Variants in UBE3B observed in about 807,000 individuals in gnomAD.
The protein encoded by UBE3B is ubiquitin protein ligase E3B.
In UBE3B, 80 loss-of-function variants were observed where a neutral mutation model predicts 132.3. That is an observed-to-expected ratio of 0.60 (90% CI 0.50 to 0.73). The LOEUF (loss-of-function observed/expected upper bound fraction) is 0.73, where lower values mean the gene tolerates loss of function less well. Ranked by LOEUF, UBE3B falls within the 30% of genes least tolerant of loss-of-function variation. UBE3B has a pLI of 0.00. For synonymous variants in UBE3B, 487 were observed against 520.4 expected (o/e 0.94, Z 0.87); for missense variants, 1,196 against 1,362.5 (o/e 0.88, Z 1.92).
intron 22 of UBE3B, 97 bp downstream of exon 22, chr12:109,524,212 G>C (rs1234861970): frequency 1.3e-6 from 2 of 1,538,038 alleles, no homozygotes; most frequent in Non-Finnish European, 1.8e-6. Flanking sequence ...TCTTATTGCT[G>C]TTGCTGTAGC....
chr12:109,516,366 G>A (rs1469745078), intron 18 of UBE3B, among the ~76,000 whole-genome samples: 1 of 151,768 alleles, frequency 6.6e-6, no homozygotes, highest in African/African-American at 2.4e-5. Flanking sequence ...TAGTAGAGAC[G>A]AGGTTTCACC....
At chr12:109,514,411 A>G (rs1046780018) in intron 18 of UBE3B, among the ~76,000 whole-genome samples, 4 of 152,190 alleles carry the variant, frequency 2.6e-5, no homozygotes, top group Non-Finnish European at 5.9e-5. Context: ...CAGCCTGGAT[A>G]AGCTTGCCTC....
chr12:109,532,555 A>AT (rs368647016), intron 26 of UBE3B, among the ~76,000 whole-genome samples: 21 of 152,316 alleles, frequency 1.4e-4, no homozygotes, highest in African/African-American at 5.1e-4. Context: ...AAGGGAGAAC[A>AT]TTCTTGGCTA....
downstream of UBE3B, among the ~76,000 whole-genome samples, chr12:109,538,445 C>G (rs1446322579): frequency 6.6e-6 from 1 of 152,156 alleles, no homozygotes; most frequent in Non-Finnish European, 1.5e-5. The surrounding 1 kb of genome is among the most constrained non-coding windows in gnomAD (Gnocchi z 4.1). Context: ...ACTTCCTGCC[C>G]CACGTGGAGG....
At chr12:109,500,143 T>G (rs1337620341) in intron 12 of UBE3B, among the ~76,000 whole-genome samples, 1 of 152,226 alleles carries the variant, frequency 6.6e-6, no homozygotes, top group East Asian at 1.9e-4. Flanking sequence ...ACTGTCACTT[T>G]TTGACTAGAC....
rs746633699 is a variant in UBE3B, at chr12:109,483,601, G to C, written c.50G>C (p.Arg17Pro). Residue 17 changes from arginine to proline, a missense_variant, in exon 3 of 28, where the codon CGT becomes CCT. Physicochemically the swap from Arg to Pro is moderately radical, Grantham distance 103. Transcript: ENST00000342494. Reference protein sequence around the residue: ...TSRAWFIDRARQAREERLVQK... With the variant: ...TSRAWFIDRAPQAREERLVQK... The stretch of plus-strand genomic sequence containing the variant: ...AGAGCATGGTTCATCGATAGAGCCC[G>C]TCAGGCACGAGAAGAAAGGCTTGTG... The C allele has an allele frequency of 6.2e-7, 1 of 1,611,912 alleles. No individual in the cohort carries two copies.
chr12:109,526,504 A>G (rs1882351100), intron 24 of UBE3B, 88 bp downstream of exon 24: 1 of 1,344,732 alleles, frequency 7.4e-7, no homozygotes, highest in Non-Finnish European at 1.1e-6. Context: ...TTATTAAGAT[A>G]GATTGAAGTA....
At position 109,483,867 on chromosome 12, in the gene UBE3B, GA is replaced by G; in HGVS notation, c.169del (p.Ile57LeufsTer48). ...SRLQRDIRRE[I>X]DDFFKADDPE... ...TTTGCACTTTCTTTTCTAGGAGAGA[GA>G]TTGATGACTTTTTTAAAGCAGATGA... On this transcript the variant is annotated frameshift_variant, in exon 4 of 28. Transcript: ENST00000342494. LOFTEE classifies it high-confidence loss of function. The G allele has an allele frequency of 6.2e-7, 1 of 1,610,554 alleles. No homozygotes were observed.
chr12:109,507,137 T>G (rs1218315426), intron 14 of UBE3B, among the ~76,000 whole-genome samples: 6 of 152,332 alleles, frequency 3.9e-5, no homozygotes, highest in African/African-American at 1.2e-4. Flanking sequence ...TATTTACTCT[T>G]TGGCTGTTTC....
chr12:109,502,204 G>A (rs1592918502), intron 13 of UBE3B, among the ~76,000 whole-genome samples: 1 of 152,184 alleles, frequency 6.6e-6, no homozygotes, highest in Non-Finnish European at 1.5e-5. Context: ...GACATGAAAA[G>A]GGGTCTGTGG....
intron 26 of UBE3B, 99 bp from the exon 27 acceptor site, chr12:109,533,367 G>A (rs1358898121): frequency 5.2e-6 from 6 of 1,157,538 alleles, no homozygotes; most frequent in East Asian, 2.3e-5. Context: ...GTTACAACAC[G>A]GTAACAGACA....
intron 12 of UBE3B, 26 bp downstream of exon 12, chr12:109,499,836 C>G: frequency 1.3e-6 from 2 of 1,527,142 alleles, no homozygotes; most frequent in Non-Finnish European, 8.8e-7. Flanking sequence ...AAATCACTGT[C>G]TTTCCTGCCT....
At chr12:109,536,865 T>C (rs1036821653), downstream of UBE3B, among the ~76,000 whole-genome samples, 1 of 152,216 alleles carries the variant, frequency 6.6e-6, no homozygotes, top group Non-Finnish European at 1.5e-5. Flanking sequence ...ATGTTGGCAG[T>C]CTGTCCTATT....
chr12:109,478,456 T>TA (rs1367410838), intron 1 of UBE3B, among the ~76,000 whole-genome samples: 1 of 152,218 alleles, frequency 6.6e-6, no homozygotes, highest in African/African-American at 2.4e-5. Context: ...ATAGTCTCTT[T>TA]AAGTCGTGTT....
At chr12:109,538,369 T>C (rs2136170879), downstream of UBE3B, among the ~76,000 whole-genome samples, 1 of 152,348 alleles carries the variant, frequency 6.6e-6, no homozygotes, top group South Asian at 2.1e-4. This position sits in a 1 kb window ranked among gnomAD's most constrained non-coding sequence, Gnocchi z 4.1. Flanking sequence ...CCTTCAGTGC[T>C]GTTTTCCAAG....
Position 109,483,892 on chromosome 12 carries a change from G to C in UBE3B, c.193G>C (p.Asp65His), listed in dbSNP as rs762004822. Residue 65 changes from aspartate to histidine, a missense_variant, in exon 4 of 28, where the codon GAC (aspartate) becomes CAC (histidine). By Grantham distance (81) the Asp-to-His change is moderately conservative (BLOSUM62 -1). Transcript: ENST00000342494. ...REIDDFFKAD[D>H]PESTKRSALC... The stretch of plus-strand genomic sequence containing the variant: ...GATTGATGACTTTTTTAAAGCAGAT[G>C]ACCCTGAGTCCACTAAAAGAAGTGC... 3.1e-6 allele frequency: 5 copies of C among 1,613,284 alleles called. No homozygotes were observed. The highest frequency in any genetic ancestry group is 8.5e-7 in the Non-Finnish European group (1 of 1,179,754).
intron 24 of UBE3B, chr12:109,528,514 T>C (rs1040202676): frequency 2.7e-5 from 27 of 984,822 alleles, no homozygotes; most frequent in Non-Finnish European, 3.3e-5. Flanking sequence ...GATTTGGAAT[T>C]GGTGAGAGTC....
chr12:109,523,946 T>A (rs1882001177), intron 21 of UBE3B, 32 bp from the exon 22 acceptor site: 1 of 1,612,320 alleles, frequency 6.2e-7, no homozygotes, highest in African/African-American at 1.3e-5. Flanking sequence ...GAATCCTGGC[T>A]GATGGACAGC....
intron 19 of UBE3B, chr12:109,517,956 G>A (rs559187494): frequency 2.7e-5 from 12 of 447,672 alleles, no homozygotes; most frequent in Admixed American, 1.4e-4. Flanking sequence ...GATCAATGCC[G>A]AGAGCTGCTA....
Sources: gnomAD v4.1 joint callset for allele counts (sites outside exome capture counted in the v4.1 genomes callset) on GRCh38, gnomAD v4.1.1 for gene constraint, Gnocchi (gnomAD v3.1) non-coding constraint, MANE v1.5 for transcripts, NCBI Gene and HGNC (gene_info 2026-07-23, HGNC 2026-07-21) for gene names.